Variants in CIB1 observed in about 807,000 individuals in gnomAD.
CIB1 encodes calcium and integrin binding 1.
CIB1 carries 19 observed loss-of-function variants against 25.0 expected under a neutral mutation model. The ratio of observed to expected loss-of-function variants is 0.76; its 90% CI spans 0.53 to 1.12. CIB1 has a LOEUF of 1.12. Ranked by LOEUF, CIB1 falls within the 50% of genes most tolerant of loss-of-function variation. The pLI, the probability that CIB1 is intolerant of heterozygous loss-of-function variation, is 0.00. For synonymous variants in CIB1, 104 were observed against 98.5 expected (o/e 1.06, Z -0.33); for missense variants, 236 against 242.6 (o/e 0.97, Z 0.18).
chr15:90,257,723 G>A, the CIB1 span: 1 of 1,613,768 alleles, frequency 6.2e-7, no homozygotes, highest in Non-Finnish European at 8.5e-7. Context: ...GCAGTAAGAG[G>A]TACTCCCTAC....
chr15:90,263,227 A>C, the CIB1 span: 1 of 1,286,686 alleles, frequency 7.8e-7, no homozygotes, highest in Non-Finnish European at 1.0e-6. Flanking sequence ...TCAACAAAGG[A>C]GGCTTGTGTG....
At chr15:90,242,099 T>A in the CIB1 span, 1 of 1,541,910 alleles carries the variant, frequency 6.5e-7, no homozygotes, top group Non-Finnish European at 8.8e-7. Flanking sequence ...CTTTTTTTCT[T>A]TTCTTTTGAG....
chr15:90,263,714 G>A, the CIB1 span: 2 of 647,700 alleles, frequency 3.1e-6, no homozygotes, highest in Non-Finnish European at 5.6e-6. Flanking sequence ...ATAAAAATGT[G>A]GTAAGGGGCT....
At chr15:90,252,616 A>G in the CIB1 span, among the ~76,000 whole-genome samples, 2 of 152,296 alleles carry the variant, frequency 1.3e-5, no homozygotes, top group African/African-American at 4.8e-5. Flanking sequence ...GCATCTTTAT[A>G]AGGAACCACA....
the CIB1 span, chr15:90,257,217 C>T: frequency 0.28 from 455,773 of 1,613,146 alleles, 72,552 homozygotes; most frequent in East Asian, 0.67. Flanking sequence ...CGGATCTTCA[C>T]ATATGAGGAG....
the CIB1 span, chr15:90,257,489 C>A: frequency 2.1e-6 from 2 of 970,714 alleles, no homozygotes; most frequent in Non-Finnish European, 3.0e-6. Flanking sequence ...CACTCTTCCC[C>A]AGGATCATCT....
chr15:90,231,625 A>T, intron 3 of CIB1, 118 bp from the exon 4 acceptor site: 1 of 1,204,054 alleles, frequency 8.3e-7, no homozygotes, highest in Non-Finnish European at 1.2e-6. Flanking sequence ...GTGGGGGTGA[A>T]CAGTCAGTGC....
chr15:90,264,836 T>C, the CIB1 span: 1 of 1,535,866 alleles, frequency 6.5e-7, no homozygotes, highest in Non-Finnish European at 8.7e-7. Context: ...GGCATCTGAC[T>C]CATGGACTGA....
chr15:90,241,374 G>A, the CIB1 span: 5 of 1,614,006 alleles, frequency 3.1e-6, no homozygotes, highest in Non-Finnish European at 4.2e-6. Context: ...CATCCTGGTG[G>A]TGATCAACGT....
rs746905362 is a variant in CIB1, at chr15:90,231,137, G to A, written c.423C>T (p.Asp141=). The change falls in exon 5 of 7, where the codon GAC becomes GAT. Residue 141 remains aspartate (D), a synonymous_variant. Transcript: ENST00000328649. ...LVNCLTGEGE[D]TRLSASEMKQ... is the part of the protein sequence containing the mutation. The stretch of plus-strand genomic sequence containing the variant: ...TCATCTCAGACGCACTAAGCCGTGT[G>A]TCCTCGCCCTCTCCCGTGAGGCAGT... 2 of 1,614,190 alleles carry A rather than the reference G, an allele frequency of 1.2e-6. No individual in the cohort carries two copies. The highest frequency in any genetic ancestry group is 2.2e-5 in the East Asian group (1 of 44,892).
the CIB1 span, among the ~76,000 whole-genome samples, chr15:90,259,641 C>A: frequency 6.6e-6 from 1 of 152,202 alleles, no homozygotes; most frequent in African/African-American, 2.4e-5. Flanking sequence ...ATTTTAGAGC[C>A]ATTCTCATGT....
At chr15:90,250,876 G>A in the CIB1 span, 2 of 1,613,762 alleles carry the variant, frequency 1.2e-6, no homozygotes, top group Non-Finnish European at 1.7e-6. Context: ...GGAAGAGAAG[G>A]CGGAAACGCA....
the CIB1 span, among the ~76,000 whole-genome samples, chr15:90,239,305 ATG>A: frequency 0.027 from 3,985 of 147,774 alleles, 103 homozygotes; most frequent in African/African-American, 0.064. Flanking sequence ...GAGACATAAA[ATG>A]TGTGTGTGTG....
At position 90,231,147 on chromosome 15, in the gene CIB1, T is replaced by G. The variant is rs1962475164; in HGVS notation, c.413A>C (p.Glu138Ala). The stretch of plus-strand genomic sequence containing the variant: ...CGCACTAAGCCGTGTGTCCTCGCCC[T>G]CTCCCGTGAGGCAGTTCACCAGCCG... ...LSRLVNCLTG[E>A]GEDTRLSASE... Residue 138 changes from glutamate to alanine, a missense_variant, in exon 5 of 7, where the codon GAG becomes GCG. Transcript: ENST00000328649. 1.4e-5 allele frequency: 23 copies of G among 1,614,140 alleles called. No homozygotes were observed. Among genetic ancestry groups the G allele is most frequent in the Non-Finnish European group, 1.9e-5 (22 of 1,180,018 alleles).
the CIB1 span, chr15:90,250,989 G>GC: frequency 6.9e-7 from 1 of 1,445,958 alleles, no homozygotes; most frequent in Non-Finnish European, 9.3e-7. Context: ...CTTCCCTTTA[G>GC]CCTACAAAAG....
In CIB1 at chr15:90,232,210, C is replaced by A; in HGVS notation, c.195+9G>T. 3 of 1,603,816 alleles carry A rather than the reference C, an allele frequency of 1.9e-6. No homozygotes were observed. The highest frequency in any genetic ancestry group is 2.6e-6 in the Non-Finnish European group (3 of 1,172,278). ...TGGGAGAGGTGTCAAAGGAGGGGAG[C>A]GCTTGCACCTTGAGCTCTGGAAGGC... On this transcript the variant is annotated intron_variant, in intron 3 of 6. Transcript: ENST00000328649.
At chr15:90,265,620 C>G in the CIB1 span, 4 of 1,512,214 alleles carry the variant, frequency 2.6e-6, no homozygotes, top group African/African-American at 2.8e-5. Context: ...TTGCTACTAC[C>G]CAGCCTCCGG....
intron 2 of CIB1, among the ~76,000 whole-genome samples, chr15:90,232,664 T>G (rs959337327): frequency 2.0e-5 from 3 of 152,254 alleles, no homozygotes; most frequent in African/African-American, 7.2e-5. Context: ...CCCAGCACTT[T>G]GGGAGGCCAA....
upstream of CIB1, among the ~76,000 whole-genome samples, chr15:90,238,755 C>T (rs373225852): frequency 1.1e-4 from 16 of 152,192 alleles, no homozygotes; most frequent in African/African-American, 3.6e-4. Flanking sequence ...CACTATGGAA[C>T]ATGGAAAAGC....
Sources: gnomAD v4.1 joint callset for allele counts (sites outside exome capture counted in the v4.1 genomes callset) on GRCh38, gnomAD v4.1.1 for gene constraint, MANE v1.5 for transcripts, NCBI Gene and HGNC (gene_info 2026-07-23, HGNC 2026-07-21) for gene names.